The following ANK3 variants were observed in gnomAD, a reference collection of about 807,000 sequenced individuals.
The protein encoded by ANK3 is ankyrin-3.
ANK3 carries 57 observed loss-of-function variants against 370.9 expected under a neutral mutation model. The observed-to-expected ratio is 0.15, with a 90% CI of 0.12 to 0.19. The LOEUF (loss-of-function observed/expected upper bound fraction) is 0.19. Ranked by LOEUF, ANK3 falls within the 10% of genes least tolerant of loss-of-function variation. ANK3 has a pLI of 1.00. For synonymous variants in ANK3, 1,929 were observed against 1,946.3 expected (o/e 0.99, Z 0.23); for missense variants, 4,439 against 5,302.1 (o/e 0.84, Z 5.06).
intron 1 of ANK3, among the ~76,000 whole-genome samples, chr10:60,353,091 C>A (rs1167545904): frequency 6.6e-6 from 1 of 151,994 alleles, no homozygotes; most frequent in Non-Finnish European, 1.5e-5. Flanking sequence ...TCAGGCCATC[C>A]TCCCACCTCG....
chr10:60,632,636 C>A (rs2078500047), intron 1 of ANK3, among the ~76,000 whole-genome samples: 1 of 152,122 alleles, frequency 6.6e-6, no homozygotes, highest in African/African-American at 2.4e-5. Flanking sequence ...CCTATGGTCC[C>A]AGCTACTCAA....
chr10:60,621,327 T>C (rs1187727687), intron 1 of ANK3, among the ~76,000 whole-genome samples: 1 of 152,202 alleles, frequency 6.6e-6, no homozygotes, highest in Non-Finnish European at 1.5e-5. Flanking sequence ...ATAACTAAAA[T>C]TCTAGATTGT....
At chr10:60,627,786 A>C (rs1353091144) in intron 1 of ANK3, among the ~76,000 whole-genome samples, 2 of 152,156 alleles carry the variant, frequency 1.3e-5, no homozygotes, top group Admixed American at 1.3e-4. Flanking sequence ...TTTGTATATC[A>C]GACCCAATTC....
At chr10:60,724,188 C>T (rs1473174294) in intron 1 of ANK3, among the ~76,000 whole-genome samples, 6 of 109,908 alleles carry the variant, frequency 5.5e-5, no homozygotes, top group African/African-American at 1.1e-4. Flanking sequence ...CCAGCCTGGG[C>T]GACAGAGCAA....
At chr10:60,658,222 T>TA (rs201886631) in intron 1 of ANK3, among the ~76,000 whole-genome samples, 21 of 149,408 alleles carry the variant, frequency 1.4e-4, no homozygotes, top group Admixed American at 2.0e-4. Flanking sequence ...GTTTGCCTTT[T>TA]AAAAAAAAAA....
intron 8 of ANK3, among the ~76,000 whole-genome samples, chr10:60,215,787 T>C (rs527664399): frequency 6.6e-6 from 1 of 152,204 alleles, no homozygotes; most frequent in African/African-American, 2.4e-5. Context: ...GCATGATGCC[T>C]CCAGCTTTGT....
At chr10:60,196,744 A>G in intron 14 of ANK3, 119 bp from the exon 15 acceptor site, 1 of 631,958 alleles carries the variant, frequency 1.6e-6, no homozygotes, top group Admixed American at 2.8e-5. Flanking sequence ...ACTGCTTTCC[A>G]GAACTGATTA....
chr10:60,641,454 C>A (rs1290821936), intron 1 of ANK3, among the ~76,000 whole-genome samples: 1 of 151,520 alleles, frequency 6.6e-6, no homozygotes, highest in East Asian at 2.0e-4. Flanking sequence ...TGGAACAGAA[C>A]AGAGCCCTCA....
At position 60,178,666 on chromosome 10, in the gene ANK3, G is replaced by C. The variant is rs77981691; in HGVS notation, c.2184+2663C>G. Among the ~76,000 whole-genome samples the C allele has an allele frequency of 4.3e-3, 659 of 152,258 alleles. 5 individuals are homozygous for C. Among genetic ancestry groups the C allele is most frequent in the African/African-American group, 0.014 (583 of 41,540 alleles). ...AAATCTACACATAAATGTGAAATAG[G>C]TAAGTATCACATAAGTTCTCAAAGC... is the stretch of plus-strand genomic sequence containing the variant. On this transcript the variant is annotated intron_variant, in intron 18 of 43. Coordinates refer to ENST00000280772, the MANE Select transcript of ANK3 (RefSeq NM_020987.5).
At chr10:60,401,842 T>C (rs886141759) in intron 2 of ANK3, among the ~76,000 whole-genome samples, 4 of 152,136 alleles carry the variant, frequency 2.6e-5, no homozygotes, top group Non-Finnish European at 5.9e-5. Flanking sequence ...CATATACCCA[T>C]TAAGTAACTT....
intron 2 of ANK3, among the ~76,000 whole-genome samples, chr10:60,611,686 C>T (rs1286523422): frequency 6.6e-6 from 1 of 151,780 alleles, no homozygotes; most frequent in Non-Finnish European, 1.5e-5. Context: ...GATAGGCTCA[C>T]ACTTTCCTTC....
chr10:60,720,387 CT>C (rs1224665238), intron 1 of ANK3, among the ~76,000 whole-genome samples: 1 of 152,110 alleles, frequency 6.6e-6, no homozygotes, highest in Admixed American at 6.6e-5. Context: ...CACACAGCTA[CT>C]ATGAAATCTA....
At chr10:60,290,934 T>C (rs1392473704) in intron 1 of ANK3, among the ~76,000 whole-genome samples, 2 of 152,194 alleles carry the variant, frequency 1.3e-5, no homozygotes, top group East Asian at 1.9e-4. Flanking sequence ...CATATGCTGA[T>C]AAAACATACC....
rs1403707172 is a variant in ANK3 at position 60,234,716 on chromosome 10, C to G, written c.869G>C (p.Arg290Pro). ...GGTTTTGGCATCGATTTTAGCTCCT[C>G]GATCGAGCAATAGTTTTACCATATT... is the stretch of plus-strand genomic sequence containing the variant. ...NANMVKLLLD[R>P]GAKIDAKTRD... Residue 290 changes from arginine to proline, a missense_variant, in exon 8 of 44, where the codon CGA becomes CCA. Arg to Pro is a moderately radical substitution (Grantham distance 103). Coordinates refer to ENST00000280772, the MANE Select transcript of ANK3 (RefSeq NM_020987.5). 6.2e-7 allele frequency: 1 copy of G among 1,613,206 alleles called. No homozygotes were observed. The highest frequency in any genetic ancestry group is 8.5e-7 in the Non-Finnish European group (1 of 1,179,540).
chr10:60,550,488 C>A (rs1333383377), intron 2 of ANK3, among the ~76,000 whole-genome samples: 5 of 151,696 alleles, frequency 3.3e-5, no homozygotes, highest in Non-Finnish European at 7.4e-5. Flanking sequence ...TCTAAAAAGT[C>A]TAAAACACTA....
chr10:60,528,134 C>CTTT (rs35837089), intron 2 of ANK3, among the ~76,000 whole-genome samples: 4,624 of 123,964 alleles, frequency 0.037, 249 homozygotes, highest in Non-Finnish European at 0.056. Context: ...TTTTCTTCTT[C>CTTT]TTCTTTTTTT....
intron 2 of ANK3, among the ~76,000 whole-genome samples, chr10:60,584,654 T>C (rs531767188): frequency 2.6e-5 from 4 of 152,160 alleles, no homozygotes; most frequent in Admixed American, 1.3e-4. Flanking sequence ...ATGAAGAGCA[T>C]CAAAGTGTAC....
At chr10:60,235,958 C>T (rs1033135026) in intron 7 of ANK3, among the ~76,000 whole-genome samples, 19 of 152,142 alleles carry the variant, frequency 1.2e-4, no homozygotes, top group Admixed American at 6.5e-4. Context: ...CATGCAGAAA[C>T]AGTTGGCAGA....
chr10:60,531,550 C>T (rs1157266462), intron 2 of ANK3, among the ~76,000 whole-genome samples: 1 of 151,340 alleles, frequency 6.6e-6, no homozygotes, highest in East Asian at 1.9e-4. Context: ...CTGATATATT[C>T]ACATAATTAA....
Sources: gnomAD v4.1 joint callset for allele counts (sites outside exome capture counted in the v4.1 genomes callset) on GRCh38, gnomAD v4.1.1 for gene constraint, MANE v1.5 for transcripts, NCBI Gene and HGNC (gene_info 2026-07-23, HGNC 2026-07-21) for gene names.